The following FAM20C variants were observed in gnomAD, a reference collection of about 807,000 sequenced individuals.
The protein encoded by FAM20C is FAM20C golgi associated secretory pathway kinase.
In FAM20C, 40 loss-of-function variants were observed where a neutral mutation model predicts 51.5. The observed-to-expected ratio is 0.78, with a 90% confidence interval of 0.60 to 1.01. The LOEUF (loss-of-function observed/expected upper bound fraction) is 1.01. Ranked by LOEUF, FAM20C falls within the 50% of genes least tolerant of loss-of-function variation. The pLI, the probability that FAM20C is intolerant of heterozygous loss-of-function variation, is 0.00. For synonymous variants in FAM20C, 406 were observed against 380.6 expected (o/e 1.07, Z -0.78); for missense variants, 861 against 844.7 (o/e 1.02, Z -0.24).
Position 260,051 on chromosome 7 carries a change from G to T in FAM20C, c.*71G>T. The T allele has an allele frequency of 7.0e-7, 1 of 1,429,564 alleles. No homozygotes were observed. Among genetic ancestry groups the T allele is most frequent in the Non-Finnish European group, 9.2e-7 (1 of 1,090,700 alleles). The allele number at this position is 1,429,564 out of a possible 1,614,324, so 88.6% of individuals were successfully genotyped here. ...GACCTCCCAGCAAGCGCATGCGCCC[G>T]TCGTGAATTCAGTGAATTCAGAGGC... On this transcript the variant is annotated 3_prime_UTR_variant, in exon 10 of 10. Coordinates refer to ENST00000313766, the MANE Select transcript of FAM20C (RefSeq NM_020223.4).
Position 258,790 on chromosome 7 carries a change from C to A in FAM20C, c.1505+85C>A, listed in dbSNP as rs542319047. 8.1e-5 allele frequency: 105 copies of A among 1,294,892 alleles called. No individual in the cohort carries two copies. In the Middle Eastern group the frequency reaches 1.7e-3, roughly 21 times the overall value. The allele number at this position is 1,294,892 out of a possible 1,614,324, so 80.2% of individuals were successfully genotyped here. A position where few individuals can be genotyped will look rare whatever the true frequency, so the allele number is the denominator to read the frequency against. Reference sequence around the variant, plus strand: ...GAGGAGGCCACAGCCTTCCCCACCCCACCCCGGCCATCACATGGGAGAGAA... The same window carrying A: ...GAGGAGGCCACAGCCTTCCCCACCCAACCCCGGCCATCACATGGGAGAGAA... On this transcript the variant is annotated intron_variant, in intron 9 of 9. Coordinates refer to ENST00000313766, the MANE Select transcript of FAM20C (RefSeq NM_020223.4).
intron 3 of FAM20C, among the ~76,000 whole-genome samples, chr7:240,562 T>G (rs1001113856): frequency 0.21 from 32,471 of 151,928 alleles, 4,714 homozygotes; most frequent in African/African-American, 0.42. Flanking sequence ...GTGACATTGA[T>G]AGAAATGGAA....
intron 2 of FAM20C, 28 bp downstream of exon 2, chr7:195,760 C>T (rs201720047): frequency 1.3e-5 from 20 of 1,531,044 alleles, no homozygotes; most frequent in Admixed American, 1.1e-4. Flanking sequence ...CACTCAGGGC[C>T]GTCTGTGTGC....
intron 3 of FAM20C, among the ~76,000 whole-genome samples, chr7:217,183 G>A (rs1787023231): frequency 6.6e-6 from 1 of 152,166 alleles, no homozygotes; most frequent in Non-Finnish European, 1.5e-5. Context: ...CCCTGGGGCT[G>A]CTGACCCCCC....
chr7:232,718 G>T (rs1215512539), intron 3 of FAM20C, among the ~76,000 whole-genome samples: 1 of 152,264 alleles, frequency 6.6e-6, no homozygotes, highest in Non-Finnish European at 1.5e-5. Context: ...CCTAACAGCA[G>T]TTGGAGGGGC....
chr7:215,260 GA>G (rs1304266131), intron 3 of FAM20C, among the ~76,000 whole-genome samples: 1 of 114,590 alleles, frequency 8.7e-6, no homozygotes, highest in East Asian at 2.4e-4. Context: ...GGTGTATGGA[GA>G]GGATGGAGCT....
rs139968177 is a variant in FAM20C at position 216,735 on chromosome 7, G to A, written c.863+7759G>A. Reference sequence around the variant, plus strand: ...TGTGTGTGTGTGTGTGTCCGTCTACGTCTCCCAAAGAGACTGTCTGCAAAC... The same window carrying A: ...TGTGTGTGTGTGTGTGTCCGTCTACATCTCCCAAAGAGACTGTCTGCAAAC... On this transcript the variant is annotated intron_variant, in intron 3 of 9. Transcript: ENST00000313766. Among the ~76,000 whole-genome samples the A allele has an allele frequency of 3.8e-3, 579 of 150,760 alleles. 4 individuals are homozygous for A. The highest frequency in any genetic ancestry group is 0.034 in the Middle Eastern group (10 of 292).
intron 5 of FAM20C, among the ~76,000 whole-genome samples, chr7:254,227 G>C (rs777236508): frequency 1.3e-5 from 2 of 152,166 alleles, no homozygotes; most frequent in Non-Finnish European, 2.9e-5. Flanking sequence ...AGCCGGGACC[G>C]GCCACCCTCC....
intron 9 of FAM20C, among the ~76,000 whole-genome samples, chr7:259,070 ACC>A: frequency 6.6e-6 from 1 of 152,016 alleles, no homozygotes. Context: ...GGGGGTTCAG[ACC>A]CCCTTTCCCC....
chr7:248,050 G>A (rs1173866949), intron 4 of FAM20C, among the ~76,000 whole-genome samples: 1 of 152,222 alleles, frequency 6.6e-6, no homozygotes, highest in Admixed American at 6.5e-5. Flanking sequence ...GCAGGCTTTA[G>A]CTATGCAGGC....
intron 3 of FAM20C, among the ~76,000 whole-genome samples, chr7:236,591 G>C (rs1051911585): frequency 6.6e-6 from 1 of 152,222 alleles, no homozygotes. Context: ...GAGGCCTAGG[G>C]CCACCCAGCA....
intron 3 of FAM20C, among the ~76,000 whole-genome samples, chr7:226,168 C>G (rs1159977306): frequency 6.6e-6 from 1 of 152,124 alleles, no homozygotes; most frequent in African/African-American, 2.4e-5. Context: ...GCTGCACCTC[C>G]CAAACCCACT....
chr7:227,517 A>G (rs994528721), intron 3 of FAM20C: 3 of 152,164 alleles, frequency 2.0e-5, no homozygotes, highest in Non-Finnish European at 2.9e-5. Context: ...ACAAGATTGT[A>G]ACAGTAACCT....
At chr7:211,549 C>T (rs1024587737) in intron 3 of FAM20C, among the ~76,000 whole-genome samples, 2 of 151,952 alleles carry the variant, frequency 1.3e-5, no homozygotes, top group South Asian at 4.1e-4. Flanking sequence ...GCAGAGGTGG[C>T]GCCAGGCTCC....
intron 3 of FAM20C, among the ~76,000 whole-genome samples, chr7:213,715 G>C (rs149418639): frequency 7.2e-5 from 11 of 152,174 alleles, no homozygotes; most frequent in Non-Finnish European, 2.9e-5. Flanking sequence ...TGATAACTGC[G>C]TTTAACTGTT....
At chr7:206,157 C>A (rs1786368546) in intron 2 of FAM20C, among the ~76,000 whole-genome samples, 1 of 152,194 alleles carries the variant, frequency 6.6e-6, no homozygotes, top group Non-Finnish European at 1.5e-5. Flanking sequence ...TCTGGCCGTC[C>A]CCCTGCTCCA....
chr7:250,483 G>A (rs1788353479), intron 5 of FAM20C, among the ~76,000 whole-genome samples: 1 of 152,216 alleles, frequency 6.6e-6, no homozygotes, highest in African/African-American at 2.4e-5. Flanking sequence ...CCGGTCAGCT[G>A]TGCCTGAGCC....
intron 9 of FAM20C, 69 bp downstream of exon 9, chr7:258,774 A>G (rs1189869258): frequency 7.1e-6 from 10 of 1,408,744 alleles, no homozygotes; most frequent in Non-Finnish European, 5.7e-6. Context: ...AGAGGAGGCC[A>G]CAGCCTTCCC....
At position 259,667 on chromosome 7, in the gene FAM20C, C is replaced by G. The variant is rs554714032; in HGVS notation, c.1506-64C>G. The G allele has an allele frequency of 4.3e-5, 61 of 1,424,144 alleles. No homozygotes were observed. In the African/African-American group the frequency reaches 8.3e-4, roughly 19 times the overall value. The allele number at this position is 1,424,144 out of a possible 1,614,324, so 88.2% of individuals were successfully genotyped here. On this transcript the variant is annotated intron_variant, in intron 9 of 9. Coordinates refer to ENST00000313766, the MANE Select transcript of FAM20C (RefSeq NM_020223.4). Reference sequence around the variant, plus strand: ...TCTCGATCTCCCTCTCACTTTCTCTCGCTTTCCCGTGGGCAGGCATCTCCC... The same window carrying G: ...TCTCGATCTCCCTCTCACTTTCTCTGGCTTTCCCGTGGGCAGGCATCTCCC...
Sources: gnomAD v4.1 joint callset for allele counts (sites outside exome capture counted in the v4.1 genomes callset) on GRCh38, gnomAD v4.1.1 for gene constraint, MANE v1.5 for transcripts, NCBI Gene and HGNC (gene_info 2026-07-23, HGNC 2026-07-21) for gene names.